The following SCN10A variants were observed in gnomAD, a reference collection of about 807,000 sequenced individuals.
SCN10A encodes sodium voltage-gated channel alpha subunit 10.
Under a neutral mutation model 170.7 loss-of-function variants are expected in SCN10A, and 162 were observed. That is an observed-to-expected ratio of 0.95 (90% confidence interval 0.84 to 1.08). The LOEUF (loss-of-function observed/expected upper bound fraction) is 1.08. SCN10A is among the 50% of genes least tolerant of loss of function. SCN10A has a pLI of 0.00. For synonymous variants in SCN10A, 985 were observed against 904.6 expected (o/e 1.09, Z -1.59); for missense variants, 2,527 against 2,436.9 (o/e 1.04, Z -0.78).
At position 38,742,217 on chromosome 3, in the gene SCN10A, C is replaced by T. The variant is rs146711476; in HGVS notation, c.2106+74G>A. ...CAATAAGGGCATGCCCCACCCCACC[C>T]GAACTGCACCCTGCCATCATCCCCA... On this transcript the variant is annotated intron_variant, in intron 14 of 27. Coordinates refer to ENST00000449082, the MANE Select transcript of SCN10A (RefSeq NM_006514.4). The T allele has an allele frequency of 3.4e-5, 36 of 1,068,738 alleles. No homozygotes were observed. In the East Asian group the frequency reaches 6.3e-4, roughly 19 times the overall value. 66.2% of individuals were successfully genotyped at this position (1,068,738 alleles called of 1,614,324 possible).
chr3:38,815,749 G>C (rs932424568), intron 1 of SCN10A, among the ~76,000 whole-genome samples: 4 of 152,178 alleles, frequency 2.6e-5, no homozygotes, highest in Non-Finnish European at 2.9e-5. Context: ...TCTTTGAAGA[G>C]TATAAACTTG....
intron 15 of SCN10A, among the ~76,000 whole-genome samples, chr3:38,737,804 C>CTT (rs1486435846): frequency 7.3e-4 from 82 of 112,084 alleles, no homozygotes; most frequent in African/African-American, 3.4e-3. Flanking sequence ...CTTCCTCTTT[C>CTT]TTTCTTTCTT....
chr3:38,704,726 T>C (rs888015665), intron 26 of SCN10A, among the ~76,000 whole-genome samples: 1 of 152,162 alleles, frequency 6.6e-6, no homozygotes, highest in African/African-American at 2.4e-5. Flanking sequence ...CTGAGCATCA[T>C]CAGAGGTGAG....
intron 8 of SCN10A, among the ~76,000 whole-genome samples, chr3:38,760,280 A>C (rs1182007354): frequency 6.6e-6 from 1 of 152,230 alleles, no homozygotes; most frequent in Non-Finnish European, 1.5e-5. Flanking sequence ...CCATGAGAAC[A>C]GGCCCAGGCT....
At chr3:38,757,294 T>C in intron 8 of SCN10A, 135 bp from the exon 9 acceptor site, 1 of 833,564 alleles carries the variant, frequency 1.2e-6, no homozygotes. Flanking sequence ...AGGATGATCT[T>C]GGACACTTGG....
intron 3 of SCN10A, among the ~76,000 whole-genome samples, chr3:38,790,298 A>G (rs1261382720): frequency 6.6e-6 from 1 of 151,996 alleles, no homozygotes; most frequent in African/African-American, 2.4e-5. Context: ...TGAGAATTCT[A>G]GTATCTTTTG....
intron 4 of SCN10A, among the ~76,000 whole-genome samples, chr3:38,787,113 A>C (rs951512308): frequency 6.6e-6 from 1 of 152,150 alleles, no homozygotes; most frequent in Admixed American, 6.6e-5. Context: ...TAAATTTATT[A>C]ATCATTTTTG....
rs201342036 is a variant in SCN10A at position 38,739,573 on chromosome 3, A to G, written c.2222T>C (p.Leu741Pro). Reference protein sequence around the residue: ...IFDCIIVTVSLLELGVAKKGS... With the variant: ...IFDCIIVTVSPLELGVAKKGS... Reference sequence around the variant, plus strand: ...CTTCTTGGCCACGCCCAGCTCTAGCAGACTCACAGTGACGATGATGCAGTC... The same window carrying G: ...CTTCTTGGCCACGCCCAGCTCTAGCGGACTCACAGTGACGATGATGCAGTC... Residue 741 changes from leucine (L) to proline (P), a missense_variant, in exon 15 of 28, where the codon CTG becomes CCG. Transcript: ENST00000449082. 6.2e-7 allele frequency: 1 copy of G among 1,614,222 alleles called. No individual in the cohort carries two copies. Among genetic ancestry groups the G allele is most frequent in the Non-Finnish European group, 8.5e-7 (1 of 1,180,034 alleles).
Position 38,752,389 on chromosome 3 carries a change from C to G in SCN10A, c.1585G>C (p.Asp529His), listed in dbSNP as rs1559443951. 3 of 1,614,012 alleles carry G rather than the reference C, an allele frequency of 1.9e-6. No individual in the cohort carries two copies. Among genetic ancestry groups the G allele is most frequent in the Non-Finnish European group, 2.5e-6 (3 of 1,179,962 alleles). The change falls in exon 12 of 28, where the codon GAC becomes CAC. Residue 529 changes from aspartate to histidine, a missense_variant. Transcript: ENST00000449082. ...GVTDDGVFPG[D>H]HESHRGSLLL... ...AGAGAGCCCCGATGGCTTTCGTGGT[C>G]TCCAGGAAAGACTCCATCATCTGTG...
intron 26 of SCN10A, among the ~76,000 whole-genome samples, chr3:38,705,268 A>C (rs1455372888): frequency 1.3e-5 from 2 of 152,114 alleles, no homozygotes; most frequent in Non-Finnish European, 2.9e-5. Context: ...CAGAATATTA[A>C]GGGGAGAGCC....
chr3:38,728,434 G>A lies in SCN10A; in HGVS notation c.2640+108C>T, dbSNP rs545991022. The stretch of plus-strand genomic sequence containing the variant: ...GAAAAGTTTGAAGACTTTTCAACCA[G>A]AGAAGTACAATCTGGGCATAAAAAT... On this transcript the variant is annotated intron_variant, in intron 16 of 27. Transcript: ENST00000449082. 24 of 1,254,872 alleles carry A rather than the reference G, an allele frequency of 1.9e-5. No individual in the cohort carries two copies. The African/African-American group carries it at 2.2e-4, about 12-fold the overall frequency. The allele number at this position is 1,254,872 out of a possible 1,614,324, so 77.7% of individuals were successfully genotyped here.
chr3:38,735,753 G>A (rs78095083), intron 15 of SCN10A, among the ~76,000 whole-genome samples: 1,559 of 152,320 alleles, frequency 0.01, 14 homozygotes, highest in Non-Finnish European at 0.015. Flanking sequence ...TTTAAGTGAC[G>A]GGAGGAGAAG....
At chr3:38,786,542 G>A (rs1037894692) in intron 4 of SCN10A, among the ~76,000 whole-genome samples, 22 of 152,074 alleles carry the variant, frequency 1.4e-4, no homozygotes, top group African/African-American at 4.8e-4. Flanking sequence ...ATGGGTTGAT[G>A]GGTGCAGCAA....
chr3:38,782,301 G>T (rs187364105), intron 4 of SCN10A, among the ~76,000 whole-genome samples: 6 of 152,202 alleles, frequency 3.9e-5, no homozygotes, highest in East Asian at 3.9e-4. Flanking sequence ...TCTGGGGCTT[G>T]TTGGGCAGCG....
chr3:38,703,962 G>T (rs1303949283), intron 26 of SCN10A, among the ~76,000 whole-genome samples: 1 of 152,196 alleles, frequency 6.6e-6, no homozygotes, highest in Non-Finnish European at 1.5e-5. Context: ...GACAGAATGG[G>T]CAGCTCTGAG....
chr3:38,763,011 A>G (rs181275300), intron 6 of SCN10A, among the ~76,000 whole-genome samples: 49 of 152,250 alleles, frequency 3.2e-4, no homozygotes, highest in Non-Finnish European at 5.4e-4. Context: ...GCTTTGATGG[A>G]CTACTTTTGT....
chr3:38,726,338 G>GC (rs2063454107), intron 17 of SCN10A, among the ~76,000 whole-genome samples: 1 of 152,156 alleles, frequency 6.6e-6, no homozygotes, highest in Admixed American at 6.5e-5. Flanking sequence ...TGGGCAGAGC[G>GC]CATGGGACAG....
intron 5 of SCN10A, among the ~76,000 whole-genome samples, chr3:38,764,438 G>C (rs576317168): frequency 1.6e-4 from 25 of 152,164 alleles, no homozygotes; most frequent in African/African-American, 5.5e-4. Flanking sequence ...TCACAGCTTA[G>C]CTCCTGCTTG....
intron 14 of SCN10A, 35 bp downstream of exon 14, chr3:38,742,256 A>C: frequency 6.3e-6 from 9 of 1,420,340 alleles, no homozygotes; most frequent in South Asian, 1.2e-5. Flanking sequence ...CGCCCCGACC[A>C]CGCCAGTGAG....
Sources: allele counts gnomAD v4.1 joint callset (sites outside exome capture counted in the v4.1 genomes callset), GRCh38; gene constraint gnomAD v4.1.1; transcripts MANE v1.5; gene names NCBI Gene and HGNC (gene_info 2026-07-23, HGNC 2026-07-21).